Variants in PARP14 observed in about 807,000 individuals in gnomAD.
The protein encoded by PARP14 is poly(ADP-ribose) polymerase family member 14, also known as protein mono-ADP-ribosyltransferase PARP14.
A neutral mutation model predicts 154.2 loss-of-function variants in PARP14; 59 were observed. The observed-to-expected ratio is 0.38, with a 90% confidence interval of 0.31 to 0.48. The LOEUF (loss-of-function observed/expected upper bound fraction) is 0.48, where lower values mean the gene tolerates loss of function less well. Ranked by LOEUF, PARP14 falls within the 20% of genes least tolerant of loss-of-function variation. PARP14 has a pLI of 0.98. For synonymous variants in PARP14, 720 were observed against 780.5 expected (o/e 0.92, Z 1.29); for missense variants, 1,734 against 2,131.6 (o/e 0.81, Z 3.67).
At chr3:122,709,129 T>C (rs1223605342) in intron 9 of PARP14, among the ~76,000 whole-genome samples, 1 of 152,166 alleles carries the variant, frequency 6.6e-6, no homozygotes, top group East Asian at 1.9e-4. Flanking sequence ...AGTAGTGATT[T>C]CTGAGATTTT....
In PARP14 at chr3:122,718,825, T is replaced by C. The variant is rs1199703328; in HGVS notation, c.4674T>C (p.Asp1558=). The C allele has an allele frequency of 5.0e-6, 8 of 1,613,922 alleles. 1 individual carries two copies. In the South Asian group the frequency reaches 6.6e-5, roughly 13 times the overall value. Residue 1558 remains aspartate (D), a synonymous_variant, in exon 14 of 17, where the codon GAT becomes GAC. Transcript: ENST00000474629. ...AAATGACCAATCTGAAATTAGAGGA[T>C]GCAAGGAGAGAAAAGAAAAAAACAG... ...FNKMTNLKLE[D]ARREKKKTVD... is the part of the protein sequence containing the mutation.
At chr3:122,694,660 C>A (rs1264987829) in intron 4 of PARP14, among the ~76,000 whole-genome samples, 1 of 152,142 alleles carries the variant, frequency 6.6e-6, no homozygotes, top group East Asian at 1.9e-4. Flanking sequence ...GCTGGGACTA[C>A]AGGCGCGCAC....
In PARP14 at chr3:122,700,892, G is replaced by A. The variant is rs1033325041; in HGVS notation, c.2338G>A (p.Val780Ile). The part of the protein sequence containing the change: ...GCYIELQENE[V>I]MKEGGSPAGQ... The stretch of plus-strand genomic sequence containing the variant: ...TTACATTGAACTACAGGAGAATGAA[G>A]TAATGAAGGAGGGAGGCAGCCCCGC... The change falls in exon 6 of 17, where the codon GTA (valine) becomes ATA (isoleucine). Residue 780 changes from valine to isoleucine, a missense_variant. By Grantham distance (29) the Val-to-Ile change is conservative. This residue lies in a region of PARP14 where 1,646 missense variants were observed against 1,976.0 expected (regional missense o/e 0.83). Transcript: ENST00000474629. 3 of 1,614,034 alleles carry A rather than the reference G, an allele frequency of 1.9e-6. No homozygotes were observed. Among genetic ancestry groups the A allele is most frequent in the Non-Finnish European group, 1.7e-6 (2 of 1,179,880 alleles).
At chr3:122,721,380 G>A in intron 15 of PARP14, 2 of 157,352 alleles carry the variant, frequency 1.3e-5, no homozygotes, top group Non-Finnish European at 2.8e-5. Flanking sequence ...CGAGGTCAGG[G>A]GTTCAAGACC....
chr3:122,711,046 G>C (rs935472506), intron 9 of PARP14, among the ~76,000 whole-genome samples: 7 of 151,856 alleles, frequency 4.6e-5, no homozygotes, highest in African/African-American at 1.7e-4. Context: ...GCAACAGTTT[G>C]ACTTCCTCTT....
At chr3:122,717,438 C>T (rs1933027940) in intron 12 of PARP14, among the ~76,000 whole-genome samples, 1 of 152,212 alleles carries the variant, frequency 6.6e-6, no homozygotes, top group African/African-American at 2.4e-5. Flanking sequence ...TACCTTGAAT[C>T]CTGCTGGTCA....
rs988415073 is a variant in PARP14, at chr3:122,719,108, G to A, written c.4807+150G>A. On this transcript the variant is annotated intron_variant, in intron 14 of 16. Transcript: ENST00000474629. Reference sequence around the variant, plus strand: ...AAAATGTGGCCTCTGCGCTTAAAGAGCTTACGTTATGGCCAGGAAAACCCA... The same window carrying A: ...AAAATGTGGCCTCTGCGCTTAAAGAACTTACGTTATGGCCAGGAAAACCCA... 1.8e-5 allele frequency: 14 copies of A among 778,446 alleles called. No homozygotes were observed. In the African/African-American group the frequency reaches 2.1e-4, roughly 12 times the overall value. 48.2% of individuals were successfully genotyped at this position (778,446 alleles called of 1,614,324 possible). A position where few individuals can be genotyped will look rare whatever the true frequency, so the allele number is the denominator to read the frequency against.
At chr3:122,715,421 A>C (rs1025481056) in intron 12 of PARP14, among the ~76,000 whole-genome samples, 2 of 152,150 alleles carry the variant, frequency 1.3e-5, no homozygotes, top group Non-Finnish European at 2.9e-5. Context: ...CCTCTGACCC[A>C]TATCTGTAAT....
intron 9 of PARP14, among the ~76,000 whole-genome samples, chr3:122,711,535 G>T (rs113529858): frequency 6.6e-6 from 1 of 151,978 alleles, no homozygotes; most frequent in Non-Finnish European, 1.5e-5. Context: ...CAGGGATATT[G>T]GTCTGTAGTT....
At chr3:122,692,642 C>T (rs1268498896) in intron 4 of PARP14, 99 bp downstream of exon 4, 2 of 956,066 alleles carry the variant, frequency 2.1e-6, no homozygotes, top group African/African-American at 1.6e-5. Flanking sequence ...TTGACTCTTT[C>T]TAGTAGCTAC....
chr3:122,699,825 T>C lies in PARP14; in HGVS notation c.1271T>C (p.Ile424Thr), dbSNP rs1223421906. Residue 424 changes from isoleucine to threonine, a missense_variant, in exon 6 of 17, where the codon ATT becomes ACT. Ile to Thr is a moderately conservative substitution (Grantham distance 89). Around this residue, in one of 2 missense-constraint regions of PARP14, gnomAD observed 1,646 missense variants for 1,976.0 expected, o/e 0.83. Coordinates refer to ENST00000474629, the MANE Select transcript of PARP14 (RefSeq NM_017554.3). ...GATGTGAAAGATGACAGGATTTTGA[T>C]TGAGTTTGATACACTTAAGGAGATG... Reference protein sequence around the residue: ...KNDVKDDRILIEFDTLKEMVI... With the variant: ...KNDVKDDRILTEFDTLKEMVI... 3 of 1,613,878 alleles carry C rather than the reference T, an allele frequency of 1.9e-6. No individual in the cohort carries two copies. The highest frequency in any genetic ancestry group is 1.7e-5 in the Admixed American group (1 of 60,004).
chr3:122,721,121 G>T, intron 15 of PARP14: 1 of 325,502 alleles, frequency 3.1e-6, no homozygotes, highest in Non-Finnish European at 5.9e-6. Flanking sequence ...CCTAATTCTA[G>T]CTTTATTCAC....
At position 122,701,564 on chromosome 3, in the gene PARP14, G is replaced by A. The variant is rs964010739; in HGVS notation, c.3010G>A (p.Glu1004Lys). ...AGCGGGGCCTGGGAAAACATCATGG[G>A]AAAAAGGAAGCCTGGTGTCCCCGGG... The part of the protein sequence containing the change: ...AAAGPGKTSW[E>K]KGSLVSPGGL... The change falls in exon 6 of 17, where the codon GAA becomes AAA. Residue 1004 changes from glutamate to lysine, a missense_variant. Glu to Lys is a moderately conservative substitution (Grantham distance 56, BLOSUM62 1). Coordinates refer to ENST00000474629, the MANE Select transcript of PARP14 (RefSeq NM_017554.3). The surrounding 1 kb of genome is among the most constrained non-coding windows in gnomAD (Gnocchi z 4.0). The A allele has an allele frequency of 5.0e-6, 8 of 1,609,288 alleles. No individual in the cohort carries two copies. In the Admixed American group the frequency reaches 1.4e-4, roughly 27 times the overall value.
Position 122,701,263 on chromosome 3 carries a change from C to G in PARP14, c.2709C>G (p.Leu903=). Residue 903 remains leucine (L), a synonymous_variant, in exon 6 of 17, where the codon CTC becomes CTG. Transcript: ENST00000474629. The surrounding 1 kb of genome is among the most constrained non-coding windows in gnomAD (Gnocchi z 4.0). ...ACCTATTAAGGAGAGCTGTGCAACT[C>G]AGTCTCTGTCTAGCCGAAAAATACA... The part of the protein sequence containing the change: ...CVYLLRRAVQ[L]SLCLAEKYKY... The G allele has an allele frequency of 6.2e-7, 1 of 1,613,912 alleles. No individual in the cohort carries two copies. Among genetic ancestry groups the G allele is most frequent in the Non-Finnish European group, 8.5e-7 (1 of 1,179,830 alleles).
At chr3:122,708,803 G>C (rs558457634) in intron 9 of PARP14, among the ~76,000 whole-genome samples, 3 of 152,042 alleles carry the variant, frequency 2.0e-5, no homozygotes, top group Non-Finnish European at 4.4e-5. Flanking sequence ...TCTCTGCAGA[G>C]CTGTTCTCCC....
chr3:122,689,384 C>T (rs1938471473), intron 3 of PARP14, among the ~76,000 whole-genome samples: 1 of 152,218 alleles, frequency 6.6e-6, no homozygotes. Context: ...TGGCTCACTG[C>T]AGCCTCGACC....
intron 3 of PARP14, among the ~76,000 whole-genome samples, chr3:122,688,021 G>T (rs927119681): frequency 6.6e-6 from 1 of 152,154 alleles, no homozygotes; most frequent in Non-Finnish European, 1.5e-5. Context: ...TCGATGTCCT[G>T]TTAAAACTGT....
At chr3:122,724,498 G>A (rs898273854) in intron 15 of PARP14, among the ~76,000 whole-genome samples, 23 of 136,772 alleles carry the variant, frequency 1.7e-4, no homozygotes, top group Admixed American at 4.8e-4. Context: ...GATGGAGTCC[G>A]TGTTATCCAG....
At chr3:122,722,241 G>C (rs1380485620) in intron 15 of PARP14, 2 of 151,900 alleles carry the variant, frequency 1.3e-5, no homozygotes, top group African/African-American at 4.8e-5. Context: ...AAAACTGGTT[G>C]AACAAAACCG....
Sources: allele counts gnomAD v4.1 joint callset (sites outside exome capture counted in the v4.1 genomes callset), GRCh38; gene constraint gnomAD v4.1.1; regional missense constraint gnomAD v4.1.1; non-coding constraint Gnocchi (gnomAD v3.1); transcripts MANE v1.5; gene names NCBI Gene and HGNC (gene_info 2026-07-23, HGNC 2026-07-21).